AMY2B: variants seen among roughly 807,000 people sequenced by gnomAD.
AMY2B encodes alpha-amylase 2B.
A neutral mutation model predicts 59.3 loss-of-function variants in AMY2B; 63 were observed. That is an observed-to-expected ratio of 1.06 (90% CI 0.87 to 1.31). AMY2B has a LOEUF of 1.31. Among genes scored for constraint, AMY2B ranks in the 50% most tolerant of loss-of-function variants. The pLI is 0.00. For missense variants in AMY2B, 635 were observed against 626.7 expected, an observed-to-expected ratio of 1.01 and a Z score of -0.14; for synonymous variants, 180 against 198.1, an observed-to-expected ratio of 0.91 and a Z score of 0.77.
chr1:103,569,723 C>T, upstream of AMY2B: 3 of 402,480 alleles, frequency 7.5e-6, no homozygotes, highest in South Asian at 6.3e-5. Context: ...GGCTACATGG[C>T]TGAGAGCAAG....
At position 103,571,614 on chromosome 1, in the gene AMY2B, T is replaced by G; in HGVS notation, c.12T>G (p.Phe4Leu). 6.2e-7 allele frequency: 1 copy of G among 1,611,318 alleles called. No individual in the cohort carries two copies. Among genetic ancestry groups the G allele is most frequent in the Non-Finnish European group, 8.5e-7 (1 of 1,179,244 alleles). The change falls in exon 1 of 10, where the codon TTT (phenylalanine) becomes TTG (leucine). Residue 4 changes from phenylalanine to leucine, a missense_variant. Phe to Leu is a conservative substitution (Grantham distance 22). Coordinates refer to ENST00000684275, the MANE Select transcript of AMY2B (RefSeq NM_001387437.1). Reference sequence around the variant, plus strand: ...AACTTCAAAGCAAAATGAAGTTCTTTCTGTTGCTTTTCACCATTGGGTTCT... The same window carrying G: ...AACTTCAAAGCAAAATGAAGTTCTTGCTGTTGCTTTTCACCATTGGGTTCT... MKFFLLLFTIGFCW... is the reference protein window; with the variant it reads MKFLLLLFTIGFCW...
chr1:103,568,747 C>G (rs1359456251), upstream of AMY2B: 2 of 151,274 alleles, frequency 1.3e-5, no homozygotes, highest in Non-Finnish European at 2.9e-5. Context: ...TATATACACA[C>G]ATATATAAAG....
At chr1:103,557,146 G>A (rs753257571) in intron 1 of AMY2B, among the ~76,000 whole-genome samples, 13 of 150,338 alleles carry the variant, frequency 8.6e-5, no homozygotes, top group African/African-American at 1.7e-4. Context: ...AAGCGTGCGC[G>A]CGCGCACACA....
chr1:103,570,372 A>C, upstream of AMY2B: 2 of 797,972 alleles, frequency 2.5e-6, no homozygotes, highest in Non-Finnish European at 4.3e-6. Context: ...TGTGGCATCC[A>C]CCCAGACCAT....
upstream of AMY2B, chr1:103,571,020 G>T: frequency 5.4e-6 from 2 of 369,332 alleles, no homozygotes; most frequent in Non-Finnish European, 4.6e-6. Flanking sequence ...TCTGTGCAGG[G>T]TATTAATGTG....
intron 1 of AMY2B, among the ~76,000 whole-genome samples, chr1:103,557,269 G>C (rs889050682): frequency 2.6e-5 from 4 of 151,994 alleles, no homozygotes; most frequent in African/African-American, 9.7e-5. Context: ...TGAAGAAAAA[G>C]CCAGGATATC....
upstream of AMY2B, among the ~76,000 whole-genome samples, chr1:103,566,668 T>G (rs1651921671): frequency 1.3e-5 from 2 of 152,248 alleles, no homozygotes; most frequent in South Asian, 4.2e-4. Flanking sequence ...GAAACATTAG[T>G]GTAGTACAGA....
upstream of AMY2B, chr1:103,568,698 C>G (rs1651994067): frequency 6.6e-6 from 1 of 151,772 alleles, no homozygotes; most frequent in East Asian, 1.9e-4. Context: ...ACGGATATCA[C>G]AAACAAAAGA....
intron 2 of AMY2B, among the ~76,000 whole-genome samples, chr1:103,566,569 C>G (rs1339587539): frequency 6.6e-6 from 1 of 152,176 alleles, no homozygotes; most frequent in Non-Finnish European, 1.5e-5. Flanking sequence ...CTACTCATCT[C>G]TGTTGAAACC....
chr1:103,577,992 T>TA, intron 9 of AMY2B, 147 bp downstream of exon 9: 4 of 1,498,876 alleles, frequency 2.7e-6, no homozygotes, highest in Non-Finnish European at 3.5e-6. Context: ...TGGGCAGAAG[T>TA]AAAAAGATGA....
intron 1 of AMY2B, among the ~76,000 whole-genome samples, chr1:103,561,061 A>T (rs922052141): frequency 1.3e-5 from 2 of 148,614 alleles, no homozygotes; most frequent in Admixed American, 1.3e-4. Flanking sequence ...TGATAAGTAA[A>T]AGTGATAATG....
intron 2 of AMY2B, 151 bp downstream of exon 2, chr1:103,572,407 G>A (rs1652172322): frequency 5.0e-6 from 7 of 1,408,086 alleles, no homozygotes; most frequent in Non-Finnish European, 6.6e-6. Context: ...GTTGCCTTAT[G>A]TTCAGCTTTT....
chr1:103,574,483 T>A, intron 5 of AMY2B, 90 bp downstream of exon 5: 1 of 1,598,160 alleles, frequency 6.3e-7, no homozygotes, highest in South Asian at 1.1e-5. Context: ...ACATTCTTTT[T>A]CAGACAACTA....
At chr1:103,576,447 T>G (rs745771950) in intron 7 of AMY2B, among the ~76,000 whole-genome samples, 22 of 152,184 alleles carry the variant, frequency 1.4e-4, no homozygotes, top group Non-Finnish European at 2.2e-4. Flanking sequence ...CAGAGTATTT[T>G]TATTTTTTCT....
chr1:103,560,475 A>T (rs1193075441), intron 1 of AMY2B, among the ~76,000 whole-genome samples: 1 of 152,142 alleles, frequency 6.6e-6, no homozygotes. Context: ...TGTTTTTAAA[A>T]AATCTGTCTA....
intron 7 of AMY2B, 39 bp downstream of exon 7, chr1:103,575,579 A>G: frequency 6.2e-7 from 1 of 1,608,916 alleles, no homozygotes; most frequent in Non-Finnish European, 8.5e-7. Flanking sequence ...TTTTCTCAAG[A>G]AACAGAAGGC....
At chr1:103,577,886 T>C in intron 9 of AMY2B, 41 bp downstream of exon 9, 1 of 1,593,636 alleles carries the variant, frequency 6.3e-7, no homozygotes. Context: ...TGTACCTGTA[T>C]GCTCTTGGTT....
At chr1:103,560,052 C>CT (rs774960927) in intron 1 of AMY2B, among the ~76,000 whole-genome samples, 1 of 152,032 alleles carries the variant, frequency 6.6e-6, no homozygotes, top group African/African-American at 2.4e-5. Context: ...TTAGAATATT[C>CT]TTTTTTATTT....
At chr1:103,556,513 A>G (rs545284824) in intron 1 of AMY2B, among the ~76,000 whole-genome samples, 1 of 152,072 alleles carries the variant, frequency 6.6e-6, no homozygotes, top group Non-Finnish European at 1.5e-5. Flanking sequence ...AATTTGGGAG[A>G]TTTAAATAAG....
Sources: gnomAD v4.1 joint callset for allele counts (sites outside exome capture counted in the v4.1 genomes callset) on GRCh38, gnomAD v4.1.1 for gene constraint, MANE v1.5 for transcripts, NCBI Gene and HGNC (gene_info 2026-07-23, HGNC 2026-07-21) for gene names.